MICAL3: variants seen among roughly 807,000 people sequenced by gnomAD.
MICAL3 encodes the protein [F-actin]-monooxygenase MICAL3.
A neutral mutation model predicts 207.4 loss-of-function variants in MICAL3; 62 were observed. The ratio of observed to expected loss-of-function variants is 0.30; its 90% CI spans 0.24 to 0.37. The LOEUF is 0.37. Among genes scored for constraint, MICAL3 ranks in the 10% least tolerant of loss-of-function variants. MICAL3 has a pLI of 1.00. For synonymous variants in MICAL3, 1,077 were observed against 1,069.3 expected (o/e 1.01, Z -0.14); for missense variants, 2,368 against 2,635.6 (o/e 0.90, Z 2.22).
intron 1 of MICAL3, chr22:18,005,620 C>T (rs1923339874): frequency 6.6e-6 from 1 of 152,152 alleles, no homozygotes; most frequent in African/African-American, 2.4e-5. Context: ...CTGTGGACTT[C>T]TTTATACTGG....
chr22:17,901,760 A>G (rs943016743), intron 5 of MICAL3, 118 bp downstream of exon 5: 6 of 646,848 alleles, frequency 9.3e-6, no homozygotes, highest in Admixed American at 2.6e-5. Flanking sequence ...CAGGGCAGGA[A>G]GCACACATTC....
At chr22:17,982,742 T>TA (rs1418867226) in intron 1 of MICAL3, among the ~76,000 whole-genome samples, 11 of 114,988 alleles carry the variant, frequency 9.6e-5, no homozygotes, top group African/African-American at 4.0e-4. Flanking sequence ...AAAAATAAAA[T>TA]AAAATAAAAT....
At chr22:17,858,196 C>T (rs1011288910) in intron 19 of MICAL3, among the ~76,000 whole-genome samples, 37 of 152,162 alleles carry the variant, frequency 2.4e-4, no homozygotes, top group African/African-American at 8.0e-4. Context: ...CCAAGGTAAG[C>T]GGTGAGGAGA....
chr22:17,977,079 G>A (rs567444628), intron 1 of MICAL3, among the ~76,000 whole-genome samples: 2 of 152,076 alleles, frequency 1.3e-5, no homozygotes, highest in African/African-American at 2.4e-5. Context: ...CTGGGATTAC[G>A]GCGTGAGCCA....
intron 1 of MICAL3, among the ~76,000 whole-genome samples, chr22:17,971,036 CACAGTG>C (rs1935391232): frequency 6.6e-6 from 1 of 152,010 alleles, no homozygotes; most frequent in South Asian, 2.1e-4. Flanking sequence ...ATTAGCTGGG[CACAGTG>C]ACATATGCCT....
At chr22:17,976,583 ATATATAT>A (rs1268749308) in intron 1 of MICAL3, among the ~76,000 whole-genome samples, 12 of 87,672 alleles carry the variant, frequency 1.4e-4, no homozygotes, top group African/African-American at 6.6e-4. Flanking sequence ...ATATATATAT[ATATATAT>A]TTTTTTTTTT....
At chr22:18,019,765 T>A in intron 1 of MICAL3, 1 of 216,700 alleles carries the variant, frequency 4.6e-6, no homozygotes, top group Admixed American at 4.9e-5. Flanking sequence ...GGAATGCGGC[T>A]TTTTTGGAAT....
In MICAL3 at chr22:17,952,466, G is replaced by A. The variant is rs185231786; in HGVS notation, c.-74-45580C>T. Among the ~76,000 whole-genome samples the A allele has an allele frequency of 1.4e-3, 208 of 152,288 alleles. 1 individual carries two copies. The highest frequency in any genetic ancestry group is 7.7e-3 in the South Asian group (37 of 4,824). ...CTACAGGCCTGGAGTTGAGGAGGCC[G>A]AACTAAGTCAACCTGGGTCCACCAT... is the stretch of plus-strand genomic sequence containing the variant. On this transcript the variant is annotated intron_variant, in intron 1 of 31. Transcript: ENST00000441493.
Position 17,841,618 on chromosome 22 carries a change from G to C in MICAL3, c.2801+204C>G, listed in dbSNP as rs1189839763. 2.2e-5 allele frequency: 13 copies of C among 597,186 alleles called. No individual in the cohort carries two copies. The highest frequency in any genetic ancestry group is 3.7e-5 in the African/African-American group (2 of 53,862). 37.0% of individuals were successfully genotyped at this position (597,186 alleles called of 1,614,324 possible). On this transcript the variant is annotated intron_variant, in intron 20 of 31. Coordinates refer to ENST00000441493, the MANE Select transcript of MICAL3 (RefSeq NM_015241.3). The surrounding 1 kb of genome is among the most constrained non-coding windows in gnomAD (Gnocchi z 4.2). ...GGTCCTCAAGGAATAAATACTTCCTGAATCTCTGAATTGAGTCTGATGGAG... is the reference window on the plus strand; with the variant it reads ...GGTCCTCAAGGAATAAATACTTCCTCAATCTCTGAATTGAGTCTGATGGAG...
At chr22:17,990,239 G>C (rs1921514935) in intron 1 of MICAL3, among the ~76,000 whole-genome samples, 1 of 152,140 alleles carries the variant, frequency 6.6e-6, no homozygotes, top group South Asian at 2.1e-4. Context: ...GGACCAGCAA[G>C]ATAGGAAAGA....
At chr22:17,941,845 C>T (rs1371986796) in intron 1 of MICAL3, among the ~76,000 whole-genome samples, 1 of 152,118 alleles carries the variant, frequency 6.6e-6, no homozygotes, top group African/African-American at 2.4e-5. Flanking sequence ...CGTGGTCAAT[C>T]GCTCCCTCCC....
chr22:17,939,757 T>C (rs1322961196), intron 1 of MICAL3, among the ~76,000 whole-genome samples: 1 of 152,174 alleles, frequency 6.6e-6, no homozygotes, highest in African/African-American at 2.4e-5. Context: ...CTTCCTATCT[T>C]TACATTAAAT....
intron 17 of MICAL3, among the ~76,000 whole-genome samples, chr22:17,868,804 C>T (rs139040282): frequency 4.6e-5 from 7 of 152,148 alleles, no homozygotes; most frequent in Non-Finnish European, 7.4e-5. Flanking sequence ...TGTATGACAG[C>T]TACCAATCTG....
At chr22:17,825,673 A>G (rs1292331563) in intron 22 of MICAL3, among the ~76,000 whole-genome samples, 2 of 152,210 alleles carry the variant, frequency 1.3e-5, no homozygotes, top group African/African-American at 2.4e-5. Context: ...GCTGTTGGCG[A>G]TAACACTGCC....
At chr22:17,799,678 AT>A (rs2061916475) in intron 29 of MICAL3, among the ~76,000 whole-genome samples, 1 of 152,142 alleles carries the variant, frequency 6.6e-6, no homozygotes, top group African/African-American at 2.4e-5. Context: ...GACAAACACC[AT>A]GGCCCTGACA....
chr22:17,791,147 T>C, intron 30 of MICAL3, 55 bp downstream of exon 30: 1 of 1,605,310 alleles, frequency 6.2e-7, no homozygotes, highest in Middle Eastern at 1.7e-4. Flanking sequence ...TGGAAGGACC[T>C]CCATGCCGGC....
Position 17,818,820 on chromosome 22 carries a change from G to C in MICAL3, c.3841C>G (p.Arg1281Gly), listed in dbSNP as rs747674587. The C allele has an allele frequency of 6.5e-7, 1 of 1,543,580 alleles. No homozygotes were observed. The highest frequency in any genetic ancestry group is 8.8e-7 in the Non-Finnish European group (1 of 1,139,982). ...TVPSPTQSPI[R>G]FQPAPAKTST... ...GTTTTGGCCGGGGCAGGCTGGAAGC[G>C]TATGGGGGACTGGGTAGGGGATGGG... The change falls in exon 26 of 32, where the codon CGC becomes GGC. Residue 1281 changes from arginine (R) to glycine (G), a missense_variant. Physicochemically the swap from Arg to Gly is moderately radical, Grantham distance 125. Coordinates refer to ENST00000441493, the MANE Select transcript of MICAL3 (RefSeq NM_015241.3).
chr22:17,957,315 C>T (rs552363985), intron 1 of MICAL3, among the ~76,000 whole-genome samples: 2 of 152,340 alleles, frequency 1.3e-5, no homozygotes, highest in African/African-American at 2.4e-5. Context: ...GGCTTCCCAT[C>T]TCTAGGGTCC....
chr22:17,865,522 A>G (rs1032945411), intron 18 of MICAL3, among the ~76,000 whole-genome samples: 12 of 152,226 alleles, frequency 7.9e-5, no homozygotes, highest in African/African-American at 2.4e-4. Context: ...GGGTGGGGCC[A>G]CCGAGGGATC....
Sources: gnomAD v4.1 joint callset for allele counts (sites outside exome capture counted in the v4.1 genomes callset) on GRCh38, gnomAD v4.1.1 for gene constraint, Gnocchi (gnomAD v3.1) non-coding constraint, MANE v1.5 for transcripts, NCBI Gene and HGNC (gene_info 2026-07-23, HGNC 2026-07-21) for gene names.